Variants in KCND2 observed in about 807,000 individuals in gnomAD.
KCND2 encodes potassium voltage-gated channel subfamily D member 2, also known as A-type voltage-gated potassium channel KCND2.
KCND2 carries 16 observed loss-of-function variants against 54.4 expected under a neutral mutation model. That is an observed-to-expected ratio of 0.29 (90% CI 0.20 to 0.45). The LOEUF (loss-of-function observed/expected upper bound fraction) is 0.45. KCND2 is among the 20% of genes least tolerant of loss of function. The pLI, the probability that KCND2 is intolerant of heterozygous loss-of-function variation, is 1.00. For synonymous variants in KCND2, 317 were observed against 310.7 expected (o/e 1.02, Z -0.21); for missense variants, 486 against 824.2 (o/e 0.59, Z 5.02).
intron 1 of KCND2, among the ~76,000 whole-genome samples, chr7:120,289,649 T>C (rs982787231): frequency 6.6e-6 from 1 of 152,084 alleles, no homozygotes; most frequent in African/African-American, 2.4e-5. Flanking sequence ...GTCCTCCTAC[T>C]GTCCTGCAGA....
At chr7:120,460,368 C>A (rs1000299625) in intron 1 of KCND2, among the ~76,000 whole-genome samples, 1 of 152,134 alleles carries the variant, frequency 6.6e-6, no homozygotes, top group African/African-American at 2.4e-5. Context: ...TATCTAGAGA[C>A]GGAGCTTATA....
At chr7:120,304,080 C>T (rs1271907742) in intron 1 of KCND2, among the ~76,000 whole-genome samples, 1 of 152,052 alleles carries the variant, frequency 6.6e-6, no homozygotes, top group Non-Finnish European at 1.5e-5. Flanking sequence ...CAGCAATGAA[C>T]GAGAATGCCT....
intron 1 of KCND2, among the ~76,000 whole-genome samples, chr7:120,459,561 C>T (rs1362329774): frequency 6.6e-6 from 1 of 152,134 alleles, no homozygotes; most frequent in Non-Finnish European, 1.5e-5. Context: ...CCTCCTTTAA[C>T]ATGTAAGATC....
intron 1 of KCND2, among the ~76,000 whole-genome samples, chr7:120,365,676 T>C (rs1265084970): frequency 6.6e-6 from 1 of 152,132 alleles, no homozygotes; most frequent in East Asian, 1.9e-4. Context: ...GTACAATTAC[T>C]AAATACTTTT....
chr7:120,443,975 T>G (rs368166741), intron 1 of KCND2, among the ~76,000 whole-genome samples: 1 of 152,238 alleles, frequency 6.6e-6, no homozygotes, highest in East Asian at 1.9e-4. Context: ...TCTTGAACTT[T>G]GTTTGCCTTC....
chr7:120,701,952 A>G (rs551144074), intron 1 of KCND2, among the ~76,000 whole-genome samples: 66 of 152,372 alleles, frequency 4.3e-4, no homozygotes, highest in African/African-American at 1.5e-3. Flanking sequence ...GCAAAAATTG[A>G]CAAATAAGAT....
intron 1 of KCND2, among the ~76,000 whole-genome samples, chr7:120,489,089 T>A (rs1176286688): frequency 6.6e-6 from 1 of 152,120 alleles, no homozygotes; most frequent in Non-Finnish European, 1.5e-5. Flanking sequence ...TTCTGTATGT[T>A]AAACATGGGC....
At chr7:120,490,680 C>G (rs1033593324) in intron 1 of KCND2, among the ~76,000 whole-genome samples, 1 of 152,006 alleles carries the variant, frequency 6.6e-6, no homozygotes, top group African/African-American at 2.4e-5. Context: ...TCATGGCATA[C>G]CTGTGTGGCT....
At position 120,354,997 on chromosome 7, in the gene KCND2, T is replaced by G. The variant is rs188213796; in HGVS notation, c.1115+79250T>G. On this transcript the variant is annotated intron_variant, in intron 1 of 5. Transcript: ENST00000331113. ...AAATCCAGTCAATATGCTAGTAAAT[T>G]TAATCATTCTTCTTGAATTATATCT... 2.7e-3 allele frequency among the ~76,000 whole-genome samples: 412 copies of G among 152,282 alleles called. 4 individuals carry two copies. The highest frequency in any genetic ancestry group is 9.7e-3 in the African/African-American group (405 of 41,546).
intron 1 of KCND2, among the ~76,000 whole-genome samples, chr7:120,336,841 G>A (rs899267075): frequency 6.6e-6 from 1 of 152,048 alleles, no homozygotes; most frequent in South Asian, 2.1e-4. Context: ...TTTTTAGAAG[G>A]ATCTCTAGGA....
At chr7:120,298,955 C>T (rs537334926) in intron 1 of KCND2, among the ~76,000 whole-genome samples, 11 of 152,174 alleles carry the variant, frequency 7.2e-5, no homozygotes, top group African/African-American at 1.2e-4. Flanking sequence ...GTCAGGAGTT[C>T]GAGACCAGCC....
intron 1 of KCND2, among the ~76,000 whole-genome samples, chr7:120,437,559 A>C (rs1801886542): frequency 1.3e-5 from 2 of 152,182 alleles, no homozygotes; most frequent in Admixed American, 1.3e-4. Context: ...AGCTAAAAAA[A>C]AAAGATACTA....
Position 120,273,412 on chromosome 7 carries a change from C to T in KCND2, c.-1221C>T, listed in dbSNP as rs573961913. On this transcript the variant is annotated 5_prime_UTR_variant, in exon 1 of 6. Transcript: ENST00000331113. ...ACCGCGCCAACGCCGCCCGCCCGGC[C>T]GCCCCGCAGCCCCGCCGCCCCGCAG... 2.0e-5 allele frequency among the ~76,000 whole-genome samples: 3 copies of T among 147,668 alleles called. No individual in the cohort carries two copies. Among genetic ancestry groups the T allele is most frequent in the Non-Finnish European group, 4.5e-5 (3 of 66,334 alleles).
chr7:120,442,563 A>G (rs1801959752), intron 1 of KCND2, among the ~76,000 whole-genome samples: 1 of 152,162 alleles, frequency 6.6e-6, no homozygotes, highest in Admixed American at 6.6e-5. Flanking sequence ...TTATATTTGA[A>G]GCAATATATA....
intron 1 of KCND2, among the ~76,000 whole-genome samples, chr7:120,700,377 C>G (rs1792385470): frequency 1.3e-5 from 2 of 152,168 alleles, no homozygotes; most frequent in Admixed American, 1.3e-4. Context: ...GAAGTTGCCC[C>G]AGACCTTATT....
intron 1 of KCND2, among the ~76,000 whole-genome samples, chr7:120,283,878 T>TA: frequency 6.6e-6 from 1 of 152,278 alleles, no homozygotes; most frequent in South Asian, 2.1e-4. Flanking sequence ...TTACATACCT[T>TA]AAAATCTGTG....
chr7:120,678,746 A>G (rs1248140739), intron 1 of KCND2, among the ~76,000 whole-genome samples: 6 of 76,220 alleles, frequency 7.9e-5, no homozygotes, highest in East Asian at 2.5e-4. Flanking sequence ...GTGTATATAT[A>G]TATATATATA....
intron 1 of KCND2, among the ~76,000 whole-genome samples, chr7:120,496,947 T>G (rs892083314): frequency 1.3e-5 from 2 of 152,204 alleles, no homozygotes; most frequent in African/African-American, 4.8e-5. Context: ...TACAATTCAT[T>G]ATTCGATACC....
chr7:120,598,208 T>A (rs1296130074), intron 1 of KCND2, among the ~76,000 whole-genome samples: 2 of 152,158 alleles, frequency 1.3e-5, no homozygotes, highest in African/African-American at 4.8e-5. Flanking sequence ...TAAAATTTAA[T>A]ATCATTTATT....
Sources: allele counts gnomAD v4.1 joint callset (sites outside exome capture counted in the v4.1 genomes callset), GRCh38; gene constraint gnomAD v4.1.1; transcripts MANE v1.5; gene names NCBI Gene and HGNC (gene_info 2026-07-23, HGNC 2026-07-21).